RIMS2: variants seen among roughly 807,000 people sequenced by gnomAD.
The protein encoded by RIMS2 is regulating synaptic membrane exocytosis protein 2.
In RIMS2, 59 loss-of-function variants were observed where a neutral mutation model predicts 174.4. The ratio of observed to expected loss-of-function variants is 0.34; its 90% CI spans 0.27 to 0.42. The LOEUF (loss-of-function observed/expected upper bound fraction) is 0.42. Ranked by LOEUF, RIMS2 falls within the 10% of genes least tolerant of loss-of-function variation. The pLI, the probability that RIMS2 is intolerant of heterozygous loss-of-function variation, is 1.00. For synonymous variants in RIMS2, 606 were observed against 572.5 expected (o/e 1.06, Z -0.84); for missense variants, 1,620 against 1,666.3 (o/e 0.97, Z 0.48).
intron 19 of RIMS2, among the ~76,000 whole-genome samples, chr8:104,163,810 A>G (rs1041205049): frequency 6.6e-6 from 1 of 152,172 alleles, no homozygotes; most frequent in African/African-American, 2.4e-5. Flanking sequence ...TTGAAATTTC[A>G]TAATTGCTTA....
At chr8:103,891,889 C>G (rs1461314689) in intron 4 of RIMS2, among the ~76,000 whole-genome samples, 1 of 151,846 alleles carries the variant, frequency 6.6e-6, no homozygotes, top group African/African-American at 2.4e-5. Context: ...AAGCGTTATC[C>G]TTTAAGCTTT....
intron 11 of RIMS2, among the ~76,000 whole-genome samples, chr8:103,928,964 T>G (rs991369827): frequency 1.3e-5 from 2 of 151,708 alleles, no homozygotes; most frequent in East Asian, 3.9e-4. Context: ...TAATAAAATC[T>G]GTTTTGATTA....
At chr8:103,702,989 T>G (rs1481121650) in intron 2 of RIMS2, among the ~76,000 whole-genome samples, 2 of 151,226 alleles carry the variant, frequency 1.3e-5, no homozygotes, top group African/African-American at 4.9e-5. Flanking sequence ...GAGTTTGTTT[T>G]TTTTTTTTTT....
At chr8:104,023,055 GTTTAT>G (rs1281476992) in intron 19 of RIMS2, among the ~76,000 whole-genome samples, 1 of 152,204 alleles carries the variant, frequency 6.6e-6, no homozygotes, top group African/African-American at 2.4e-5. Context: ...TTTATTTACA[GTTTAT>G]TTTATGTATC....
At chr8:103,787,447 G>A (rs2098454317) in intron 3 of RIMS2, among the ~76,000 whole-genome samples, 1 of 150,674 alleles carries the variant, frequency 6.6e-6, no homozygotes, top group African/African-American at 2.4e-5. Context: ...TCCTTCAGGA[G>A]CTCTTTTAGG....
At chr8:103,949,609 G>A (rs1245466611) in intron 14 of RIMS2, among the ~76,000 whole-genome samples, 1 of 152,112 alleles carries the variant, frequency 6.6e-6, no homozygotes, top group East Asian at 1.9e-4. Context: ...AACACCTAAT[G>A]TATCGATATT....
intron 1 of RIMS2, among the ~76,000 whole-genome samples, chr8:103,557,461 A>T (rs182479947): frequency 9.8e-5 from 15 of 152,338 alleles, no homozygotes; most frequent in African/African-American, 3.6e-4. Context: ...AACACAGAGT[A>T]AACATAGTTT....
intron 19 of RIMS2, among the ~76,000 whole-genome samples, chr8:104,234,634 T>C (rs1203701192): frequency 1.3e-5 from 2 of 152,182 alleles, no homozygotes; most frequent in Non-Finnish European, 2.9e-5. Flanking sequence ...TTAAATGTGT[T>C]AAGAATACCA....
chr8:103,581,647 A>G (rs1274498347), intron 1 of RIMS2, among the ~76,000 whole-genome samples: 2 of 152,216 alleles, frequency 1.3e-5, no homozygotes, highest in East Asian at 3.9e-4. Context: ...AGAGAAGGAA[A>G]TTAAGGACAT....
At chr8:103,758,846 G>GAAAAGT (rs2098068397) in intron 2 of RIMS2, among the ~76,000 whole-genome samples, 1 of 152,132 alleles carries the variant, frequency 6.6e-6, no homozygotes, top group Non-Finnish European at 1.5e-5. Context: ...TAGAGTTTGG[G>GAAAAGT]AAAAGTAATA....
At chr8:103,674,325 A>G (rs1306116239) in intron 1 of RIMS2, among the ~76,000 whole-genome samples, 1 of 152,144 alleles carries the variant, frequency 6.6e-6, no homozygotes, top group Non-Finnish European at 1.5e-5. Context: ...GTATCTTTAT[A>G]GCAATGCCCT....
intron 2 of RIMS2, among the ~76,000 whole-genome samples, chr8:103,721,346 A>T (rs1157168665): frequency 1.3e-5 from 2 of 152,224 alleles, no homozygotes; most frequent in Admixed American, 1.3e-4. Flanking sequence ...TAGCAATATG[A>T]GAATGGGCTA....
chr8:103,594,042 A>G (rs2094382942), intron 1 of RIMS2, among the ~76,000 whole-genome samples: 1 of 151,574 alleles, frequency 6.6e-6, no homozygotes, highest in African/African-American at 2.4e-5. Context: ...GAATTGACTT[A>G]CCTACTAAAA....
intron 19 of RIMS2, among the ~76,000 whole-genome samples, chr8:104,178,302 G>A (rs1245344010): frequency 6.6e-6 from 1 of 152,092 alleles, no homozygotes; most frequent in Non-Finnish European, 1.5e-5. Flanking sequence ...TCTCCTTGCT[G>A]CCTGTAAGCT....
chr8:104,223,784 G>A lies in RIMS2; in HGVS notation c.3335-21132G>A. 2 of 1,596,210 alleles carry A rather than the reference G, an allele frequency of 1.3e-6. 1 individual carries two copies. The highest frequency in any genetic ancestry group is 2.2e-5 in the South Asian group (2 of 90,814). On this transcript the variant is annotated intron_variant, in intron 19 of 23. Transcript: ENST00000504942. ...TCCCTGCATGAACTCCCTGGAGGAG[G>A]AAGAAGGAGGTGAGACACCCCTTCC... is the stretch of plus-strand genomic sequence containing the variant.
intron 19 of RIMS2, among the ~76,000 whole-genome samples, chr8:104,178,461 T>C (rs938672326): frequency 2.6e-5 from 4 of 152,134 alleles, no homozygotes; most frequent in Admixed American, 1.3e-4. Flanking sequence ...TTCTTTCTTC[T>C]GAAAAAACTG....
At chr8:103,639,728 T>A (rs1230762559) in intron 1 of RIMS2, among the ~76,000 whole-genome samples, 1 of 151,996 alleles carries the variant, frequency 6.6e-6, no homozygotes, top group Non-Finnish European at 1.5e-5. Context: ...TTTCTGAGAT[T>A]ATGAATAAAA....
chr8:104,188,254 G>GATAGATAGATA (rs2098979559), intron 19 of RIMS2, among the ~76,000 whole-genome samples: 1 of 146,046 alleles, frequency 6.8e-6, no homozygotes, highest in African/African-American at 2.6e-5. Flanking sequence ...TAGATAGATA[G>GATAGATAGATA]ATAGATAGAT....
At chr8:103,882,895 T>A (rs1360530123) in intron 3 of RIMS2, among the ~76,000 whole-genome samples, 1 of 151,680 alleles carries the variant, frequency 6.6e-6, no homozygotes, top group Non-Finnish European at 1.5e-5. Context: ...CAAAAATTCA[T>A]GTTAATTCCT....
Sources: allele counts gnomAD v4.1 joint callset (sites outside exome capture counted in the v4.1 genomes callset), GRCh38; gene constraint gnomAD v4.1.1; transcripts MANE v1.5; gene names NCBI Gene and HGNC (gene_info 2026-07-23, HGNC 2026-07-21).